The following CSMD2 variants were observed in gnomAD, a reference collection of about 807,000 sequenced individuals.
CSMD2 encodes CUB and sushi domain-containing protein 2.
A neutral mutation model predicts 398.5 loss-of-function variants in CSMD2; 130 were observed. The observed-to-expected ratio is 0.33, with a 90% CI of 0.28 to 0.38. The LOEUF is 0.38. Ranked by LOEUF, CSMD2 falls within the 10% of genes least tolerant of loss-of-function variation. CSMD2 has a pLI of 1.00. For synonymous variants in CSMD2, 1,828 were observed against 1,908.5 expected, an observed-to-expected ratio of 0.96 and a Z score of 1.10; for missense variants, 3,829 against 4,764.9, an observed-to-expected ratio of 0.80 and a Z score of 5.78.
chr1:33,653,494 T>C (rs1358858807), intron 27 of CSMD2, among the ~76,000 whole-genome samples: 1 of 151,926 alleles, frequency 6.6e-6, no homozygotes, highest in Non-Finnish European at 1.5e-5. Flanking sequence ...TGTCCAAGAG[T>C]ATGTGTGTAC....
intron 3 of CSMD2, among the ~76,000 whole-genome samples, chr1:34,001,802 G>C (rs935427284): frequency 3.3e-5 from 5 of 152,106 alleles, no homozygotes; most frequent in Non-Finnish European, 5.9e-5. Context: ...AAATTAAAAA[G>C]AATTTAAACC....
In CSMD2 at chr1:33,592,336, T is replaced by G. The variant is rs897585190; in HGVS notation, c.6857-5168A>C. On this transcript the variant is annotated intron_variant, in intron 44 of 70. Coordinates refer to ENST00000373381, the MANE Select transcript of CSMD2 (RefSeq NM_001281956.2). ...GAGATGGGTCCAGGCAAAAGTAGAA[T>G]CTCTTGGGTCCTATTTCAACTTCCC... The G allele has an allele frequency of 5.6e-6, 4 of 714,102 alleles. No individual in the cohort carries two copies. In the African/African-American group the frequency reaches 7.0e-5, roughly 12 times the overall value. The allele number at this position is 714,102 out of a possible 1,614,324, so 44.2% of individuals were successfully genotyped here. A position where few individuals can be genotyped will look rare whatever the true frequency, so the allele number is the denominator to read the frequency against.
At position 33,698,745 on chromosome 1, in the gene CSMD2, C is replaced by T. The variant is rs759640853; in HGVS notation, c.3925+8G>A. 3.1e-6 allele frequency: 5 copies of T among 1,607,724 alleles called. No individual in the cohort carries two copies. The highest frequency in any genetic ancestry group is 4.2e-6 in the Non-Finnish European group (5 of 1,176,582). ...CAAGGGTTCCCTGCAGAGGAAGAGC[C>T]CTCCTACCGACACAGGTGGGCAGAG... On this transcript the variant is annotated splice_region_variant and intron_variant, in intron 24 of 70. Coordinates refer to ENST00000373381, the MANE Select transcript of CSMD2 (RefSeq NM_001281956.2).
intron 4 of CSMD2, among the ~76,000 whole-genome samples, chr1:33,933,013 G>C (rs1346160291): frequency 1.3e-5 from 2 of 152,188 alleles, no homozygotes; most frequent in African/African-American, 4.8e-5. Context: ...CCAGGGAGAA[G>C]CTTCCCGGGA....
chr1:33,520,769 C>G lies in CSMD2; in HGVS notation c.10597+694G>C, dbSNP rs551082991. On this transcript the variant is annotated intron_variant, in intron 68 of 70. Transcript: ENST00000373381. ...GGACTGCCTTGGCAGGCAAGGGCCC[C>G]GGCGATGGGAGGTGTCAGTGCCTGG... is the stretch of plus-strand genomic sequence containing the variant. 1.3e-4 allele frequency among the ~76,000 whole-genome samples: 20 copies of G among 152,270 alleles called. No individual in the cohort carries two copies. The East Asian group carries it at 3.9e-3, about 30-fold the overall frequency.
chr1:33,699,484 C>T (rs1557751471), intron 23 of CSMD2, among the ~76,000 whole-genome samples: 1 of 152,134 alleles, frequency 6.6e-6, no homozygotes, highest in Non-Finnish European at 1.5e-5. Flanking sequence ...CAACGGAGAG[C>T]ATTGATTTGG....
At chr1:34,078,085 T>A (rs1352012045) in intron 2 of CSMD2, among the ~76,000 whole-genome samples, 1 of 152,260 alleles carries the variant, frequency 6.6e-6, no homozygotes, top group East Asian at 1.9e-4. Context: ...TCCTCTTGCC[T>A]CAGCCTCCCG....
At chr1:33,824,965 G>A (rs1481864222) in intron 7 of CSMD2, among the ~76,000 whole-genome samples, 1 of 152,104 alleles carries the variant, frequency 6.6e-6, no homozygotes, top group Non-Finnish European at 1.5e-5. Context: ...TCTTGTGGAG[G>A]TGCCCAGAAC....
intron 3 of CSMD2, among the ~76,000 whole-genome samples, chr1:33,948,265 T>C (rs1644899003): frequency 6.6e-6 from 1 of 152,110 alleles, no homozygotes; most frequent in East Asian, 1.9e-4. Context: ...TCTGTTCAGG[T>C]CCTCTGAAGT....
chr1:33,901,351 T>C (rs1333177615), intron 5 of CSMD2, among the ~76,000 whole-genome samples: 1 of 152,240 alleles, frequency 6.6e-6, no homozygotes, highest in African/African-American at 2.4e-5. Flanking sequence ...TCAGAGGCTA[T>C]ATTTATTCAA....
At chr1:33,782,082 C>T (rs1652844720) in intron 12 of CSMD2, among the ~76,000 whole-genome samples, 1 of 152,122 alleles carries the variant, frequency 6.6e-6, no homozygotes, top group African/African-American at 2.4e-5. Flanking sequence ...GATGATGATG[C>T]AGCCAGATGT....
chr1:33,720,097 T>G (rs1418235720), intron 19 of CSMD2, among the ~76,000 whole-genome samples: 1 of 152,198 alleles, frequency 6.6e-6, no homozygotes, highest in Non-Finnish European at 1.5e-5. Flanking sequence ...AGCAGCTTAA[T>G]AGGTCTGTTA....
At chr1:33,647,496 G>A (rs993418594) in intron 28 of CSMD2, among the ~76,000 whole-genome samples, 6 of 152,100 alleles carry the variant, frequency 3.9e-5, no homozygotes, top group African/African-American at 7.2e-5. Context: ...GGAATGGCTC[G>A]AGTGAAAATG....
intron 13 of CSMD2, among the ~76,000 whole-genome samples, chr1:33,753,861 G>A (rs1557842265): frequency 1.3e-5 from 2 of 152,182 alleles, no homozygotes; most frequent in Admixed American, 6.5e-5. Context: ...AACTGTGTGG[G>A]GCCTGTTACC....
At chr1:33,748,377 G>A (rs991938309) in intron 13 of CSMD2, among the ~76,000 whole-genome samples, 67 of 152,304 alleles carry the variant, frequency 4.4e-4, no homozygotes, top group African/African-American at 1.5e-3. Flanking sequence ...CTCCTTCAGA[G>A]TAGTGACCAG....
intron 39 of CSMD2, among the ~76,000 whole-genome samples, chr1:33,615,043 A>G (rs1040838810): frequency 5.3e-5 from 8 of 152,196 alleles, no homozygotes; most frequent in African/African-American, 1.9e-4. Context: ...GGGGACTGGC[A>G]TGCATCAAGT....
chr1:33,558,315 C>T (rs775182650), intron 54 of CSMD2, among the ~76,000 whole-genome samples: 18 of 152,198 alleles, frequency 1.2e-4, no homozygotes, highest in Non-Finnish European at 2.1e-4. Context: ...GTAAAACTGA[C>T]GCATTTGAAC....
intron 46 of CSMD2, 59 bp downstream of exon 46, chr1:33,586,445 A>G (rs1557579238): frequency 8.9e-7 from 1 of 1,126,606 alleles, no homozygotes; most frequent in African/African-American, 1.5e-5. Context: ...GGAGCAAAAC[A>G]AGAGCTTTGT....
chr1:33,656,336 A>T (rs1643945240), intron 27 of CSMD2, among the ~76,000 whole-genome samples: 3 of 152,214 alleles, frequency 2.0e-5, no homozygotes, highest in Non-Finnish European at 4.4e-5. Context: ...GCTAGAAAGT[A>T]AATCTGGATG....
Sources: gnomAD v4.1 joint callset for allele counts (sites outside exome capture counted in the v4.1 genomes callset) on GRCh38, gnomAD v4.1.1 for gene constraint, MANE v1.5 for transcripts, NCBI Gene and HGNC (gene_info 2026-07-23, HGNC 2026-07-21) for gene names.